The following DNAH8 variants were observed in gnomAD, a reference collection of about 807,000 sequenced individuals.
DNAH8 encodes the protein axonemal beta dynein heavy chain 8.
DNAH8 carries 382 observed loss-of-function variants against 562.1 expected under a neutral mutation model. That is an observed-to-expected ratio of 0.68 (90% CI 0.63 to 0.74). The LOEUF (loss-of-function observed/expected upper bound fraction) is 0.74. Among genes scored for constraint, DNAH8 ranks in the 30% least tolerant of loss-of-function variants. The pLI is 0.00. For missense variants in DNAH8, 5,203 were observed against 5,620.4 expected (o/e 0.93, Z 2.37); for synonymous variants, 1,881 against 1,919.4 (o/e 0.98, Z 0.52).
At position 38,857,591 on chromosome 6, in the gene DNAH8, G is replaced by A; in HGVS notation, c.5807G>A (p.Arg1936Lys). ...EEALRNAKDD[R>K]KIMQVTNQKF... is the part of the protein sequence containing the mutation. ...GCTTTACGTAATGCAAAAGATGACA[G>A]GAAAATCATGCAAGTGACCAATCAG... Residue 1936 changes from arginine (R) to lysine (K), a missense_variant, in exon 42 of 93, where the codon AGG (arginine) becomes AAG (lysine). By Grantham distance (26) the Arg-to-Lys change is conservative. Around this residue, in one of 6 missense-constraint regions of DNAH8, gnomAD observed 2,176 missense variants for 2,365.1 expected, o/e 0.92. Transcript: ENST00000327475. 10 of 1,613,856 alleles carry A rather than the reference G, an allele frequency of 6.2e-6. No homozygotes were observed. The highest frequency in any genetic ancestry group is 8.5e-6 in the Non-Finnish European group (10 of 1,179,862).
Position 38,898,315 on chromosome 6 carries a change from G to T in DNAH8, c.8998G>T (p.Glu3000Ter). The change falls in exon 61 of 93, where the codon GAA becomes TAA. Residue 3000 changes from glutamate (E) to a stop codon, truncating the protein, a stop_gained. Coordinates refer to ENST00000327475, the MANE Select transcript of DNAH8 (RefSeq NM_001206927.2). LOFTEE classifies it high-confidence loss of function. Reference protein sequence around the residue: ...KLQFYQRQFNEIIRGTSLDLV... With the variant: ...KLQFYQRQFN ...CCAGTTTTACCAGAGACAGTTCAAT[G>T]AAATCATTAGAGGAACATCTCTTGA... is the stretch of plus-strand genomic sequence containing the variant. The T allele has an allele frequency of 6.3e-7, 1 of 1,589,434 alleles. No homozygotes were observed. Among genetic ancestry groups the T allele is most frequent in the Non-Finnish European group, 8.5e-7 (1 of 1,171,852 alleles).
chr6:38,949,678 G>A (rs936561703), intron 81 of DNAH8, 108 bp downstream of exon 81: 26 of 659,844 alleles, frequency 3.9e-5, no homozygotes, highest in African/African-American at 7.4e-5. Flanking sequence ...TGAAAGTAAC[G>A]GCAAAAACCG....
intron 79 of DNAH8, among the ~76,000 whole-genome samples, chr6:38,944,021 T>C (rs757476610): frequency 2.6e-5 from 4 of 152,108 alleles, no homozygotes; most frequent in Non-Finnish European, 5.9e-5. Context: ...TCTGGGTTAG[T>C]TTAGGAAACA....
chr6:38,982,825 C>T (rs747931670), intron 86 of DNAH8, among the ~76,000 whole-genome samples: 1 of 152,220 alleles, frequency 6.6e-6, no homozygotes, highest in African/African-American at 2.4e-5. Context: ...AAAGTTCTTT[C>T]TCACCTTAAG....
intron 88 of DNAH8, among the ~76,000 whole-genome samples, chr6:39,008,347 C>T (rs1201743060): frequency 6.6e-6 from 1 of 151,688 alleles, no homozygotes; most frequent in Non-Finnish European, 1.5e-5. Flanking sequence ...ATGAGAAAAC[C>T]AAGCAGAAAA....
intron 62 of DNAH8, among the ~76,000 whole-genome samples, chr6:38,900,971 G>A (rs1780037294): frequency 6.6e-6 from 1 of 152,256 alleles, no homozygotes; most frequent in African/African-American, 2.4e-5. Flanking sequence ...TTTCCCAGAT[G>A]GCTAATGATG....
At chr6:38,957,754 A>G (rs747416449) in intron 82 of DNAH8, among the ~76,000 whole-genome samples, 78 of 152,028 alleles carry the variant, frequency 5.1e-4, no homozygotes, top group Non-Finnish European at 7.5e-4. Context: ...AGAAATTTAA[A>G]AGGAGATTTA....
At chr6:38,879,991 C>A (rs575287621) in intron 53 of DNAH8, among the ~76,000 whole-genome samples, 1 of 152,228 alleles carries the variant, frequency 6.6e-6, no homozygotes, top group South Asian at 2.1e-4. Flanking sequence ...ACCTGTAATC[C>A]CAGCCCTTTG....
At chr6:38,869,808 C>T (rs528571904) in intron 48 of DNAH8, among the ~76,000 whole-genome samples, 3 of 152,246 alleles carry the variant, frequency 2.0e-5, no homozygotes, top group East Asian at 1.9e-4. Flanking sequence ...GTAATGAGGT[C>T]GTACTTTGGA....
chr6:38,872,191 T>C (rs534052791), intron 49 of DNAH8, among the ~76,000 whole-genome samples: 2 of 152,284 alleles, frequency 1.3e-5, no homozygotes, highest in Non-Finnish European at 2.9e-5. Flanking sequence ...TATCATCACA[T>C]TGGATGCCGA....
chr6:38,937,534 G>A (rs1783070755), intron 77 of DNAH8, among the ~76,000 whole-genome samples: 2 of 152,124 alleles, frequency 1.3e-5, no homozygotes, highest in Admixed American at 6.5e-5. Flanking sequence ...CAGCATGACA[G>A]TCAGCCCATG....
chr6:38,851,777 G>A, intron 39 of DNAH8, 103 bp downstream of exon 39: 1 of 770,124 alleles, frequency 1.3e-6, no homozygotes. Flanking sequence ...GGAAAGAAGA[G>A]TATTACAAAT....
chr6:38,936,041 G>A (rs79291057), intron 77 of DNAH8, among the ~76,000 whole-genome samples: 1 of 97,578 alleles, frequency 1.0e-5, no homozygotes, highest in African/African-American at 4.0e-5. Context: ...TTTTTTTTTT[G>A]AGACAGAGTC....
chr6:38,926,643 G>A (rs185962810), intron 74 of DNAH8, among the ~76,000 whole-genome samples: 2 of 152,220 alleles, frequency 1.3e-5, no homozygotes, highest in Non-Finnish European at 2.9e-5. Flanking sequence ...GAGTAGACAA[G>A]GGCAGGATTC....
chr6:38,938,760 T>G, intron 78 of DNAH8, 38 bp from the exon 79 acceptor site: 1 of 1,471,458 alleles, frequency 6.8e-7, no homozygotes, highest in Non-Finnish European at 9.3e-7. Flanking sequence ...AAAAAAGAAA[T>G]TGCCCTTTGC....
rs1781927609 is a variant in DNAH8 at position 38,924,116 on chromosome 6, T to C, written c.10916T>C (p.Phe3639Ser). ...EMELRARKIP[F>S]TENLNLISML... ...GAGTTGAGAGCACGGAAAATTCCTT[T>C]CACAGAAAACCTGAATCTTATTTCA... is the stretch of plus-strand genomic sequence containing the variant. The change falls in exon 73 of 93, where the codon TTC becomes TCC. Residue 3639 changes from phenylalanine (F) to serine (S), a missense_variant. Phe to Ser is a radical substitution (Grantham distance 155, BLOSUM62 -2). Coordinates refer to ENST00000327475, the MANE Select transcript of DNAH8 (RefSeq NM_001206927.2). The C allele has an allele frequency of 6.2e-7, 1 of 1,614,044 alleles. No homozygotes were observed. Among genetic ancestry groups the C allele is most frequent in the East Asian group, 2.2e-5 (1 of 44,872 alleles).
chr6:38,973,859 T>A, intron 84 of DNAH8, 46 bp downstream of exon 84: 1 of 1,462,848 alleles, frequency 6.8e-7, no homozygotes, highest in African/African-American at 1.4e-5. Flanking sequence ...GTAATAAAGA[T>A]GACATCATTG....
rs557454452 is a variant in DNAH8 at position 38,850,484 on chromosome 6, T to C, written c.5363+70T>C. 34 of 1,387,850 alleles carry C rather than the reference T, an allele frequency of 2.4e-5. No individual in the cohort carries two copies. In the African/African-American group the frequency reaches 4.3e-4, roughly 18 times the overall value. 86.0% of individuals were successfully genotyped at this position (1,387,850 alleles called of 1,614,324 possible). A position where few individuals can be genotyped will look rare whatever the true frequency, so the allele number is the denominator to read the frequency against. ...GTGTTTTATCCCAAACTTACTAGTA[T>C]TGACTACATTTCTGGTTTGGTAGTG... is the stretch of plus-strand genomic sequence containing the variant. On this transcript the variant is annotated intron_variant, in intron 38 of 92. Transcript: ENST00000327475.
chr6:38,752,985 G>C (rs1168871352), intron 9 of DNAH8, among the ~76,000 whole-genome samples: 1 of 151,926 alleles, frequency 6.6e-6, no homozygotes, highest in African/African-American at 2.4e-5. Context: ...TTTGTTACAT[G>C]GGTATATGAC....
Sources: allele counts gnomAD v4.1 joint callset (sites outside exome capture counted in the v4.1 genomes callset), GRCh38; gene constraint gnomAD v4.1.1; regional missense constraint gnomAD v4.1.1; transcripts MANE v1.5; gene names NCBI Gene and HGNC (gene_info 2026-07-23, HGNC 2026-07-21).